The following KNG1 variants were observed in gnomAD, a reference collection of about 807,000 sequenced individuals.
The protein encoded by KNG1 is kininogen-1.
A neutral mutation model predicts 47.8 loss-of-function variants in KNG1; 23 were observed. That is an observed-to-expected ratio of 0.48 (90% CI 0.35 to 0.68). KNG1 has a LOEUF of 0.68. Among genes scored for constraint, KNG1 ranks in the 30% least tolerant of loss-of-function variants. The pLI is 0.01. For missense variants in KNG1, 762 were observed against 790.2 expected (o/e 0.96, Z 0.43); for synonymous variants, 277 against 277.0 (o/e 1.00, Z 0.00).
intron 8 of KNG1, 32 bp downstream of exon 8, chr3:186,739,238 C>A (rs746961481): frequency 3.8e-6 from 6 of 1,589,534 alleles, no homozygotes; most frequent in South Asian, 3.3e-5. Flanking sequence ...TACTTTTTCA[C>A]TGGAAGCCTA....
At position 186,732,652 on chromosome 3, in the gene KNG1, A is replaced by C. The variant is rs147552487; in HGVS notation, c.908A>C (p.Asn303Thr). The C allele has an allele frequency of 1.2e-6, 2 of 1,614,044 alleles. No homozygotes were observed. The highest frequency in any genetic ancestry group is 3.3e-5 in the Admixed American group (2 of 60,026). The stretch of plus-strand genomic sequence containing the variant: ...GCAACTTTCTATTTCAAGATTGACA[A>C]TGTGAAAAAAGCAAGAGTACAGGTG... ...NNATFYFKIDNVKKARVQVVA... is the reference protein window; with the variant it reads ...NNATFYFKIDTVKKARVQVVA... Residue 303 changes from asparagine (N) to threonine (T), a missense_variant, in exon 7 of 10, where the codon AAT becomes ACT. Asn to Thr is a moderately conservative substitution (Grantham distance 65). Coordinates refer to ENST00000644859, the MANE Select transcript of KNG1 (RefSeq NM_001102416.3).
At chr3:186,731,423 C>T in intron 5 of KNG1, 122 bp from the exon 6 acceptor site, 1 of 682,618 alleles carries the variant, frequency 1.5e-6, no homozygotes, top group East Asian at 2.8e-5. Flanking sequence ...TTGCTTCTTT[C>T]TTTTTTTTCT....
chr3:186,731,639 AAC>A lies in KNG1; in HGVS notation c.757+14_757+15del. The A allele has an allele frequency of 6.5e-7, 1 of 1,542,660 alleles. No individual in the cohort carries two copies. The highest frequency in any genetic ancestry group is 1.1e-5 in the South Asian group (1 of 89,618). On this transcript the variant is annotated intron_variant, in intron 6 of 9. Transcript: ENST00000644859. Reference sequence around the variant, plus strand: ...TGTGACATTTATCCAGGTAAGGAATAACACATGTTGGCACCGCAATAGAGGAA... The same window carrying A: ...TGTGACATTTATCCAGGTAAGGAATAACATGTTGGCACCGCAATAGAGGAA...
At position 186,739,207 on chromosome 3, in the gene KNG1, G is replaced by GT. The variant is rs1560069569; in HGVS notation, c.1038+2dup. The GT allele has an allele frequency of 6.2e-7, 1 of 1,611,112 alleles. No individual in the cohort carries two copies. Among genetic ancestry groups the GT allele is most frequent in the Admixed American group, 1.7e-5 (1 of 60,014 alleles). ...AAGCTGTGAGACCAAAAAACTTGGC[G>GT]TGAGTAGTCATGCACCTGTCTACTT... On this transcript the variant is annotated splice_donor_variant, in intron 8 of 9. Transcript: ENST00000644859. LOFTEE classifies it high-confidence loss of function.
intron 2 of KNG1, among the ~76,000 whole-genome samples, chr3:186,720,990 C>T (rs1338451307): frequency 6.6e-6 from 1 of 151,948 alleles, no homozygotes; most frequent in Non-Finnish European, 1.5e-5. Context: ...CGGGTTTCAC[C>T]GTGTTAGCCA....
At chr3:186,721,204 A>C (rs1656910) in intron 2 of KNG1, 64,567 of 151,966 alleles carry the variant, frequency 0.42, 14,100 homozygotes, top group South Asian at 0.61. Flanking sequence ...GATGACTGCC[A>C]GTCATCTGCC....
At chr3:186,735,294 A>G (rs1720642441) in intron 7 of KNG1, among the ~76,000 whole-genome samples, 1 of 151,930 alleles carries the variant, frequency 6.6e-6, no homozygotes, top group Non-Finnish European at 1.5e-5. Flanking sequence ...GACCAGCTGG[A>G]GCAACATAGC....
Position 186,717,428 on chromosome 3 carries a change from G to A in KNG1, c.-115G>A. ...TCCAACCAGTGCCCTGAGTTCTGAGGCAGAGAGGAGGACAGAAGAAACAAG... is the reference window on the plus strand; with the variant it reads ...TCCAACCAGTGCCCTGAGTTCTGAGACAGAGAGGAGGACAGAAGAAACAAG... On this transcript the variant is annotated 5_prime_UTR_variant, in exon 1 of 10. Transcript: ENST00000644859. 2 of 824,774 alleles carry A rather than the reference G, an allele frequency of 2.4e-6. No individual in the cohort carries two copies. Among genetic ancestry groups the A allele is most frequent in the Non-Finnish European group, 4.1e-6 (2 of 482,124 alleles). 51.1% of individuals were successfully genotyped at this position (824,774 alleles called of 1,614,324 possible).
rs763881434 is a variant in KNG1 at position 186,741,656 on chromosome 3, A to G, written c.1260A>G (p.Gly420=). The G allele has an allele frequency of 6.2e-7, 1 of 1,614,234 alleles. No homozygotes were observed. The highest frequency in any genetic ancestry group is 8.5e-7 in the Non-Finnish European group (1 of 1,180,048). ...APAQDEERDS[G]KEQGHTRRHD... ...CACAAGATGAAGAGCGGGATTCAGG[A>G]AAAGAACAAGGGCATACTCGTAGAC... Residue 420 remains glycine (G), a synonymous_variant, in exon 10 of 10, where the codon GGA becomes GGG. Transcript: ENST00000644859.
chr3:186,739,437 C>T (rs556574232), intron 9 of KNG1, 23 bp downstream of exon 9: 99 of 1,469,464 alleles, frequency 6.7e-5, no homozygotes, highest in East Asian at 9.1e-5. Flanking sequence ...TTACAGTCAG[C>T]GTGGGGTCAG....
In KNG1 at chr3:186,742,700, A is replaced by G. The variant is rs1360163251; in HGVS notation, c.*369A>G. On this transcript the variant is annotated 3_prime_UTR_variant, in exon 10 of 10. Transcript: ENST00000644859. ...CTTGTCATTCTTAATAAACTGTGGC[A>G]CTTGGTATTTGAATGTGTGTGAAAA... 10 of 1,050,248 alleles carry G rather than the reference A, an allele frequency of 9.5e-6. No homozygotes were observed. The highest frequency in any genetic ancestry group is 1.0e-5 in the Non-Finnish European group (9 of 870,608). The allele number at this position is 1,050,248 out of a possible 1,614,324, so 65.1% of individuals were successfully genotyped here.
In KNG1 at chr3:186,720,784, CTTT is replaced by C. The variant is rs1167537831; in HGVS notation, c.306+590_306+592del. Among the ~76,000 whole-genome samples the C allele has an allele frequency of 3.3e-5, 3 of 89,778 alleles. 1 individual carries two copies. The highest frequency in any genetic ancestry group is 9.6e-4 in the South Asian group (2 of 2,092). 58.9% of individuals were successfully genotyped at this position (89,778 alleles called of 152,430 possible). On this transcript the variant is annotated intron_variant, in intron 2 of 9. Transcript: ENST00000644859. ...CACACCATAGCTGGTTGTTGTTTTGCTTTTTTTTTTTTTTTTTTTTTTTGAGCC... is the reference window on the plus strand; with the variant it reads ...CACACCATAGCTGGTTGTTGTTTTGCTTTTTTTTTTTTTTTTTTTTGAGCC...
intron 5 of KNG1, among the ~76,000 whole-genome samples, chr3:186,731,033 T>G (rs1720517880): frequency 6.6e-6 from 1 of 152,134 alleles, no homozygotes; most frequent in African/African-American, 2.4e-5. Flanking sequence ...TGGTCTATGC[T>G]TTTGAAAAAT....
intron 1 of KNG1, among the ~76,000 whole-genome samples, chr3:186,719,719 A>G (rs1720131559): frequency 7.1e-6 from 1 of 140,442 alleles, no homozygotes; most frequent in Admixed American, 7.1e-5. Context: ...ACAGAGCGAG[A>G]CTCCATCTCA....
Position 186,732,652 on chromosome 3 carries a change from A to G in KNG1, c.908A>G (p.Asn303Ser), listed in dbSNP as rs147552487. 4.9e-5 allele frequency: 79 copies of G among 1,613,926 alleles called. No individual in the cohort carries two copies. In the African/African-American group the frequency reaches 9.6e-4, roughly 20 times the overall value. The change falls in exon 7 of 10, where the codon AAT (asparagine) becomes AGT (serine). Residue 303 changes from asparagine (N) to serine (S), a missense_variant. Coordinates refer to ENST00000644859, the MANE Select transcript of KNG1 (RefSeq NM_001102416.3). ...NNATFYFKID[N>S]VKKARVQVVA... ...GCAACTTTCTATTTCAAGATTGACA[A>G]TGTGAAAAAAGCAAGAGTACAGGTG...
chr3:186,721,487 T>A (rs1720195198), intron 2 of KNG1: 1 of 152,278 alleles, frequency 6.6e-6, no homozygotes, highest in Non-Finnish European at 1.5e-5. Flanking sequence ...TGCCTATTAT[T>A]AAGTGCCTGC....
intron 5 of KNG1, among the ~76,000 whole-genome samples, chr3:186,730,739 TACACATATATATATAC>T (rs1449870855): frequency 5.6e-3 from 273 of 49,094 alleles, no homozygotes; most frequent in African/African-American, 0.02. Context: ...CATATATATA[TACACATATATATATAC>T]ACATATATAT....
At chr3:186,722,616 A>T in intron 3 of KNG1, 95 bp downstream of exon 3, 1 of 1,008,200 alleles carries the variant, frequency 9.9e-7, no homozygotes, top group Non-Finnish European at 1.5e-6. Flanking sequence ...TTGCTCCCAG[A>T]GGGTGGCAGT....
intron 5 of KNG1, among the ~76,000 whole-genome samples, chr3:186,730,696 A>G (rs1438500006): frequency 1.4e-4 from 2 of 14,110 alleles, no homozygotes; most frequent in Non-Finnish European, 2.5e-4. Context: ...ATATATATAT[A>G]TATATATATA....
Sources: allele counts gnomAD v4.1 joint callset (sites outside exome capture counted in the v4.1 genomes callset), GRCh38; gene constraint gnomAD v4.1.1; transcripts MANE v1.5; gene names NCBI Gene and HGNC (gene_info 2026-07-23, HGNC 2026-07-21).